HELLS: variants seen among roughly 807,000 people sequenced by gnomAD.
The protein encoded by HELLS is helicase, lymphoid specific.
HELLS carries 32 observed loss-of-function variants against 120.0 expected under a neutral mutation model. The ratio of observed to expected loss-of-function variants is 0.27; its 90% CI spans 0.20 to 0.36. HELLS has a LOEUF of 0.36. Among genes scored for constraint, HELLS ranks in the 10% least tolerant of loss-of-function variants. The pLI, the probability that HELLS is intolerant of heterozygous loss-of-function variation, is 1.00. For synonymous variants in HELLS, 341 were observed against 323.4 expected (o/e 1.05, Z -0.58); for missense variants, 650 against 993.4 (o/e 0.65, Z 4.65).
chr10:94,612,478 T>C (rs1369971293), exon 10 of HELLS: 1 of 152,200 alleles, frequency 6.6e-6, no homozygotes, highest in Non-Finnish European at 1.5e-5. Context: ...AAGTGAACAG[T>C]GGAGTTTTAC....
downstream of HELLS, among the ~76,000 whole-genome samples, chr10:94,602,400 A>G (rs1361303829): frequency 6.6e-6 from 1 of 152,214 alleles, no homozygotes; most frequent in African/African-American, 2.4e-5. Context: ...GGCCTTAGGA[A>G]TATGTAAGTA....
At chr10:94,557,358 C>G (rs2134005775) in intron 3 of HELLS, among the ~76,000 whole-genome samples, 1 of 152,224 alleles carries the variant, frequency 6.6e-6, no homozygotes, top group South Asian at 2.1e-4. Context: ...AATGGAAAAA[C>G]AAATATTCAA....
In HELLS at chr10:94,573,988, G is replaced by C. The variant is rs778600918; in HGVS notation, c.506G>C (p.Cys169Ser). 6.2e-7 allele frequency: 1 copy of C among 1,609,124 alleles called. No homozygotes were observed. Residue 169 changes from cysteine to serine, a missense_variant, in exon 8 of 22, where the codon TGT (cysteine) becomes TCT (serine). By Grantham distance (112) the Cys-to-Ser change is moderately radical (BLOSUM62 -1). Transcript: ENST00000348459. ...EDENSSSTNLCVEDLQKNKDS... is the reference protein window; with the variant it reads ...EDENSSSTNLSVEDLQKNKDS... ...GAAAACTCCTCCTCTACTAATCTCT[G>C]TGTGGAAGATCTTCAGAAAAATAAA...
intron 8 of HELLS, 175 bp downstream of exon 8, chr10:94,574,362 T>G: frequency 1.4e-6 from 1 of 693,314 alleles, no homozygotes; most frequent in Non-Finnish European, 2.4e-6. Flanking sequence ...AATTACCTTG[T>G]TAATGGCTTC....
intron 8 of HELLS, 127 bp from the exon 9 acceptor site, chr10:94,574,427 G>A: frequency 1.3e-6 from 1 of 778,742 alleles, no homozygotes; most frequent in Non-Finnish European, 2.1e-6. Flanking sequence ...AATTTATGGT[G>A]TGAATATATC....
chr10:94,605,891 C>G (rs916595208), downstream of HELLS, among the ~76,000 whole-genome samples: 7 of 152,114 alleles, frequency 4.6e-5, no homozygotes, highest in African/African-American at 1.7e-4. Flanking sequence ...CTTGGCCTCC[C>G]AAAGGGCTGG....
At chr10:94,554,645 T>A (rs917569861) in intron 3 of HELLS, among the ~76,000 whole-genome samples, 1 of 115,510 alleles carries the variant, frequency 8.7e-6, no homozygotes, top group South Asian at 3.4e-4. Flanking sequence ...AGTAATAGTG[T>A]TTTTTTTTTT....
At position 94,590,955 on chromosome 10, in the gene HELLS, A is replaced by G. The variant is rs182446870; in HGVS notation, c.1767+179A>G. Reference sequence around the variant, plus strand: ...TTCCGAAATTTCAGAGAACCTTATCAGGGTTAGAAAAATGGTCACTTTCTA... The same window carrying G: ...TTCCGAAATTTCAGAGAACCTTATCGGGGTTAGAAAAATGGTCACTTTCTA... On this transcript the variant is annotated intron_variant, in intron 15 of 21. Transcript: ENST00000348459. Among the ~76,000 whole-genome samples the G allele has an allele frequency of 2.9e-3, 436 of 152,300 alleles. 1 individual carries two copies. The highest frequency in any genetic ancestry group is 0.027 in the Middle Eastern group (8 of 294).
rs1166516202 is a variant in HELLS, at chr10:94,562,736, C to A, written c.370+9C>A. On this transcript the variant is annotated intron_variant, in intron 5 of 21. Coordinates refer to ENST00000348459, the MANE Select transcript of HELLS (RefSeq NM_018063.5). Reference sequence around the variant, plus strand: ...AAGTGAAGAGAAGCCAGGTAAATATCCTTATTCTAGTTTTGAAGAATATGC... The same window carrying A: ...AAGTGAAGAGAAGCCAGGTAAATATACTTATTCTAGTTTTGAAGAATATGC... 2 of 1,581,102 alleles carry A rather than the reference C, an allele frequency of 1.3e-6. No individual in the cohort carries two copies. The highest frequency in any genetic ancestry group is 3.5e-5 in the Admixed American group (2 of 57,214).
At chr10:94,578,866 A>G (rs1030370912) in intron 10 of HELLS, among the ~76,000 whole-genome samples, 3 of 151,454 alleles carry the variant, frequency 2.0e-5, no homozygotes, top group Non-Finnish European at 3.0e-5. Flanking sequence ...AATAGTGTTC[A>G]TGCTCCTATG....
At chr10:94,605,105 A>C (rs1253606129), downstream of HELLS, among the ~76,000 whole-genome samples, 1 of 114,072 alleles carries the variant, frequency 8.8e-6, no homozygotes, top group African/African-American at 3.5e-5. Context: ...CCTTTAAGAC[A>C]GAGTTTCACT....
At chr10:94,578,012 G>A (rs1171226767) in intron 10 of HELLS, among the ~76,000 whole-genome samples, 1 of 146,560 alleles carries the variant, frequency 6.8e-6, no homozygotes, top group African/African-American at 2.5e-5. Flanking sequence ...GCAGTGAGCC[G>A]AGATTGCGCC....
chr10:94,579,029 C>T (rs547009442), intron 10 of HELLS, among the ~76,000 whole-genome samples: 2 of 152,196 alleles, frequency 1.3e-5, no homozygotes, highest in African/African-American at 4.8e-5. Context: ...GCTGTGTGGC[C>T]TGGTTCCTAA....
chr10:94,567,220 AG>A (rs1489828424), intron 6 of HELLS, among the ~76,000 whole-genome samples: 2 of 152,164 alleles, frequency 1.3e-5, no homozygotes, highest in South Asian at 4.1e-4. Flanking sequence ...TTTCAATTAT[AG>A]ATACATTGTG....
At position 94,568,007 on chromosome 10, in the gene HELLS, T is replaced by G. The variant is rs532737244; in HGVS notation, c.436-3381T>G. Among the ~76,000 whole-genome samples, 119 of 150,522 alleles carry G rather than the reference T, an allele frequency of 7.9e-4. 1 individual carries two copies. The highest frequency in any genetic ancestry group is 1.4e-3 in the Non-Finnish European group (93 of 67,774). On this transcript the variant is annotated intron_variant, in intron 6 of 21. Transcript: ENST00000348459. ...TCACTGCAACCTCCGCCTCCCGGGT[T>G]CAAGTGATTCTCCTGCCTCAGCATC...
rs1846044747 is a variant in HELLS, at chr10:94,601,781, C to T, written c.*159C>T. The T allele has an allele frequency of 2.1e-6, 1 of 471,458 alleles. No homozygotes were observed. The highest frequency in any genetic ancestry group is 3.7e-5 in the East Asian group (1 of 26,878). The allele number at this position is 471,458 out of a possible 1,614,324, so 29.2% of individuals were successfully genotyped here. A position where few individuals can be genotyped will look rare whatever the true frequency, so the allele number is the denominator to read the frequency against. ...TTAAATAGATGGTAATTTTCTGAGCCTTACCAAGAACAAAGAAGTATCCAT... is the reference window on the plus strand; with the variant it reads ...TTAAATAGATGGTAATTTTCTGAGCTTTACCAAGAACAAAGAAGTATCCAT... On this transcript the variant is annotated 3_prime_UTR_variant, in exon 22 of 22. Transcript: ENST00000348459.
chr10:94,555,815 GAC>G (rs1465384423), intron 3 of HELLS, among the ~76,000 whole-genome samples: 1 of 152,074 alleles, frequency 6.6e-6, no homozygotes, highest in Non-Finnish European at 1.5e-5. Context: ...TTTTTGTAGA[GAC>G]AGTTTTGCCA....
intron 18 of HELLS, 50 bp downstream of exon 18, chr10:94,593,665 ATTTTTTTT>A: frequency 2.3e-6 from 2 of 870,190 alleles, no homozygotes; most frequent in South Asian, 3.0e-5. Flanking sequence ...TCCATTTTGA[ATTTTTTTT>A]TTTTTTTGAA....
At chr10:94,558,095 T>A (rs745469360) in intron 3 of HELLS, 44 bp from the exon 4 acceptor site, 124 of 1,545,584 alleles carry the variant, frequency 8.0e-5, no homozygotes, top group Non-Finnish European at 9.0e-5. Flanking sequence ...TTTTTTTAAA[T>A]GTTGCACTTT....
Sources: gnomAD v4.1 joint callset for allele counts (sites outside exome capture counted in the v4.1 genomes callset) on GRCh38, gnomAD v4.1.1 for gene constraint, MANE v1.5 for transcripts, NCBI Gene and HGNC (gene_info 2026-07-23, HGNC 2026-07-21) for gene names.